The following GLCCI1 variants were observed in gnomAD, a reference collection of about 807,000 sequenced individuals.
GLCCI1 encodes the protein glucocorticoid induced 1.
In GLCCI1, 24 loss-of-function variants were observed where a neutral mutation model predicts 52.2. The ratio of observed to expected loss-of-function variants is 0.46; its 90% confidence interval spans 0.33 to 0.65. The LOEUF (loss-of-function observed/expected upper bound fraction) is 0.65. GLCCI1 is among the 30% of genes least tolerant of loss of function. GLCCI1 has a pLI of 0.02. For missense variants in GLCCI1, 704 were observed against 701.5 expected, an observed-to-expected ratio of 1.00 and a Z score of -0.04; for synonymous variants, 310 against 276.5, an observed-to-expected ratio of 1.12 and a Z score of -1.20.
chr7:8,057,858 T>C (rs1247258223), intron 4 of GLCCI1, among the ~76,000 whole-genome samples: 1 of 152,178 alleles, frequency 6.6e-6, no homozygotes, highest in African/African-American at 2.4e-5. Context: ...ACATTGAATT[T>C]TTACCATGTG....
intron 2 of GLCCI1, among the ~76,000 whole-genome samples, chr7:8,012,664 C>G (rs939016452): frequency 2.0e-4 from 31 of 151,820 alleles, no homozygotes; most frequent in African/African-American, 7.3e-4. Flanking sequence ...CCAGGATGGT[C>G]TTGATCTCCT....
In GLCCI1 at chr7:7,969,147, C is replaced by G; in HGVS notation, c.-204C>G. 1 of 378,932 alleles carries G rather than the reference C, an allele frequency of 2.6e-6. No individual in the cohort carries two copies. Among genetic ancestry groups the G allele is most frequent in the Non-Finnish European group, 3.9e-6 (1 of 256,364 alleles). The allele number at this position is 378,932 out of a possible 1,614,324, so 23.5% of individuals were successfully genotyped here. On this transcript the variant is annotated 5_prime_UTR_variant, in exon 1 of 8. Transcript: ENST00000223145. The surrounding 1 kb of genome is among the most constrained non-coding windows in gnomAD (Gnocchi z 4.9). ...GTTGCGGCCGTTGGACGTTTGTTTT[C>G]GCAGCCTTCCCCTCCCCCCTCGCCG...
intron 3 of GLCCI1, among the ~76,000 whole-genome samples, chr7:8,045,794 G>A (rs1302967717): frequency 6.6e-6 from 1 of 152,134 alleles, no homozygotes; most frequent in African/African-American, 2.4e-5. Flanking sequence ...CTCCAGAGGT[G>A]TGAGTAACCA....
chr7:7,997,733 G>C lies in GLCCI1; in HGVS notation c.458-6175G>C, dbSNP rs1328902511. 4.6e-5 allele frequency among the ~76,000 whole-genome samples: 7 copies of C among 152,174 alleles called. No homozygotes were observed. The East Asian group carries it at 1.4e-3, about 29-fold the overall frequency. ...ACCTGAGGTCAGGAATTCAAGACCA[G>C]CCTGGCCAACATAGTGAAACCCTGT... On this transcript the variant is annotated intron_variant, in intron 1 of 7. Transcript: ENST00000223145.
chr7:8,083,993 A>G (rs922117284), intron 6 of GLCCI1, among the ~76,000 whole-genome samples: 5 of 152,240 alleles, frequency 3.3e-5, no homozygotes, highest in African/African-American at 7.2e-5. Context: ...ATACATTTCA[A>G]TAGATCATGT....
At chr7:8,085,792 A>G (rs1783093913) in intron 7 of GLCCI1, among the ~76,000 whole-genome samples, 1 of 152,192 alleles carries the variant, frequency 6.6e-6, no homozygotes, top group South Asian at 2.1e-4. Flanking sequence ...CTAGAAAGAA[A>G]AAAGGAGAAA....
chr7:7,987,327 A>G (rs934089802), intron 1 of GLCCI1, among the ~76,000 whole-genome samples: 1 of 152,220 alleles, frequency 6.6e-6, no homozygotes, highest in Non-Finnish European at 1.5e-5. Context: ...CTTCTCTGCA[A>G]AATATTCCTG....
chr7:8,040,256 TG>T (rs1427068274), intron 3 of GLCCI1, among the ~76,000 whole-genome samples: 3 of 151,866 alleles, frequency 2.0e-5, no homozygotes, highest in African/African-American at 7.3e-5. Context: ...GAGGCTGAGA[TG>T]GAAGGATCTT....
At chr7:8,023,785 G>A (rs544990788) in intron 3 of GLCCI1, among the ~76,000 whole-genome samples, 1 of 151,492 alleles carries the variant, frequency 6.6e-6, no homozygotes, top group South Asian at 2.1e-4. Flanking sequence ...TTTTAGTAGA[G>A]ATGGGGTTTT....
At chr7:7,982,076 T>A (rs1780634495) in intron 1 of GLCCI1, 1 of 469,920 alleles carries the variant, frequency 2.1e-6, no homozygotes, top group South Asian at 1.7e-5. Context: ...AACTCAGAAC[T>A]GAAGTCGTAG....
At chr7:8,060,556 A>G (rs1012366260) in intron 5 of GLCCI1, among the ~76,000 whole-genome samples, 12 of 152,178 alleles carry the variant, frequency 7.9e-5, no homozygotes, top group African/African-American at 2.9e-4. Context: ...TGGTTGTTCT[A>G]GATGTTTCAT....
chr7:7,994,458 A>G (rs965560147), intron 1 of GLCCI1, among the ~76,000 whole-genome samples: 1 of 152,234 alleles, frequency 6.6e-6, no homozygotes, highest in Non-Finnish European at 1.5e-5. Flanking sequence ...TACAGTATCA[A>G]GGTACTAGCA....
chr7:8,073,577 T>C lies in GLCCI1; in HGVS notation c.1177+2446T>C, dbSNP rs568787493. Among the ~76,000 whole-genome samples, 40 of 152,274 alleles carry C rather than the reference T, an allele frequency of 2.6e-4. No individual in the cohort carries two copies. The South Asian group carries it at 8.1e-3, about 31-fold the overall frequency. ...AAAGCTAAGGTTTTTTTCCTAATAG[T>C]TAAAAAATATTTCTTAGTAAAATAG... On this transcript the variant is annotated intron_variant, in intron 6 of 7. Transcript: ENST00000223145.
chr7:7,982,196 A>AAAATCCAAAGAT (rs1780637757), intron 1 of GLCCI1: 1 of 264,142 alleles, frequency 3.8e-6, no homozygotes, highest in Non-Finnish European at 7.7e-6. Context: ...AATCCAAAGA[A>AAAATCCAAAGAT]AAATCCAAAG....
chr7:8,072,701 A>G (rs1303652834), intron 6 of GLCCI1, among the ~76,000 whole-genome samples: 1 of 152,126 alleles, frequency 6.6e-6, no homozygotes, highest in Non-Finnish European at 1.5e-5. Context: ...TTCCAAACTC[A>G]TATTCTTTGT....
chr7:8,009,912 A>G (rs1426640462), intron 2 of GLCCI1, among the ~76,000 whole-genome samples: 1 of 149,482 alleles, frequency 6.7e-6, no homozygotes, highest in East Asian at 1.9e-4. Context: ...GAATGAAAAA[A>G]AAAAACCTGA....
At chr7:8,039,404 C>CTGTG (rs532680579) in intron 3 of GLCCI1, among the ~76,000 whole-genome samples, 3 of 151,924 alleles carry the variant, frequency 2.0e-5, no homozygotes, top group Non-Finnish European at 4.4e-5. Context: ...AAATGTGTGT[C>CTGTG]TGTGTGTGTG....
At position 7,969,114 on chromosome 7, in the gene GLCCI1, G is replaced by C. The variant is rs1252759035; in HGVS notation, c.-237G>C. Reference sequence around the variant, plus strand: ...GGCCGTGACCGCCACACCGAGCCCAGCCGGGCGGTTGCGGCCGTTGGACGT... The same window carrying C: ...GGCCGTGACCGCCACACCGAGCCCACCCGGGCGGTTGCGGCCGTTGGACGT... On this transcript the variant is annotated 5_prime_UTR_variant, in exon 1 of 8. Transcript: ENST00000223145. The surrounding 1 kb of genome is among the most constrained non-coding windows in gnomAD (Gnocchi z 4.9). The C allele has an allele frequency of 8.3e-6, 2 of 241,108 alleles. No individual in the cohort carries two copies. The highest frequency in any genetic ancestry group is 1.0e-4 in the East Asian group (1 of 9,924). 14.9% of individuals were successfully genotyped at this position (241,108 alleles called of 1,614,324 possible).
chr7:8,078,981 T>G (rs1782933108), intron 6 of GLCCI1, among the ~76,000 whole-genome samples: 1 of 152,252 alleles, frequency 6.6e-6, no homozygotes, highest in South Asian at 2.1e-4. Flanking sequence ...TTTTATCTAA[T>G]GTTGCACTGA....
Sources: gnomAD v4.1 joint callset for allele counts (sites outside exome capture counted in the v4.1 genomes callset) on GRCh38, gnomAD v4.1.1 for gene constraint, Gnocchi (gnomAD v3.1) non-coding constraint, MANE v1.5 for transcripts, NCBI Gene and HGNC (gene_info 2026-07-23, HGNC 2026-07-21) for gene names.